ACVR1: variants seen among roughly 807,000 people sequenced by gnomAD.
ACVR1 encodes the protein activin A receptor type 1.
In ACVR1, 38 loss-of-function variants were observed where a neutral mutation model predicts 57.1. That is an observed-to-expected ratio of 0.67 (90% CI 0.51 to 0.87). The LOEUF (loss-of-function observed/expected upper bound fraction) is 0.87. ACVR1 is among the 40% of genes least tolerant of loss of function. ACVR1 has a pLI of 0.00. For synonymous variants in ACVR1, 212 were observed against 228.1 expected, an observed-to-expected ratio of 0.93 and a Z score of 0.63; for missense variants, 463 against 638.2, an observed-to-expected ratio of 0.73 and a Z score of 2.96.
intron 1 of ACVR1, among the ~76,000 whole-genome samples, chr2:157,873,292 T>C (rs1453205429): frequency 3.9e-5 from 6 of 152,202 alleles, no homozygotes; most frequent in Non-Finnish European, 5.9e-5. Context: ...CAATTTCTTA[T>C]TGTAGGACGG....
At chr2:157,866,859 G>T (rs1028343449) in intron 1 of ACVR1, among the ~76,000 whole-genome samples, 1 of 152,174 alleles carries the variant, frequency 6.6e-6, no homozygotes, top group Non-Finnish European at 1.5e-5. Context: ...GTTTGTAGCT[G>T]GTTCATTTTA....
intron 3 of ACVR1, among the ~76,000 whole-genome samples, chr2:157,787,587 G>T (rs1311015495): frequency 6.6e-6 from 1 of 152,182 alleles, no homozygotes; most frequent in Non-Finnish European, 1.5e-5. Context: ...TCCTTGTTTA[G>T]TCTTAGGAGA....
chr2:157,756,469 AC>A (rs1273506999), intron 9 of ACVR1, among the ~76,000 whole-genome samples: 3 of 152,264 alleles, frequency 2.0e-5, no homozygotes, highest in East Asian at 3.9e-4. Flanking sequence ...CAAGAAAAAA[AC>A]AACTTCATCA....
At chr2:157,793,463 G>A (rs1015833313) in intron 3 of ACVR1, among the ~76,000 whole-genome samples, 2 of 152,106 alleles carry the variant, frequency 1.3e-5, no homozygotes, top group Admixed American at 6.5e-5. Flanking sequence ...AGCTCACCTT[G>A]CATCAACTAG....
At chr2:157,773,936 A>C (rs933801119) in intron 6 of ACVR1, 152 bp downstream of exon 6, 1 of 661,292 alleles carries the variant, frequency 1.5e-6, no homozygotes, top group Non-Finnish European at 2.6e-6. Flanking sequence ...CAGGTGCTCC[A>C]ACATTAGTCA....
chr2:157,778,238 G>A lies in ACVR1; in HGVS notation c.436C>T (p.Leu146Phe). 1 of 1,614,038 alleles carries A rather than the reference G, an allele frequency of 6.2e-7. No homozygotes were observed. Among genetic ancestry groups the A allele is most frequent in the Non-Finnish European group, 8.5e-7 (1 of 1,179,996 alleles). Reference protein sequence around the residue: ...CLLACLLGVALRKFKRRNQER... With the variant: ...CLLACLLGVAFRKFKRRNQER... ...TGGTTGCGCCTTTTAAATTTTCGGA[G>A]AGCAACTCCCAGCAGGCAGGCTAAA... Residue 146 changes from leucine to phenylalanine, a missense_variant, in exon 5 of 11, where the codon CTC (leucine) becomes TTC (phenylalanine). Around this residue, in one of 3 missense-constraint regions of ACVR1, gnomAD observed 203 missense variants for 235.5 expected, o/e 0.86. Coordinates refer to ENST00000434821, the MANE Select transcript of ACVR1 (RefSeq NM_001111067.4).
At chr2:157,740,382 A>G (rs1684706642) in intron 9 of ACVR1, among the ~76,000 whole-genome samples, 1 of 152,126 alleles carries the variant, frequency 6.6e-6, no homozygotes, top group Non-Finnish European at 1.5e-5. Flanking sequence ...CCCAGGAAAC[A>G]TTCAAACAAA....
chr2:157,771,906 G>A (rs1686083042), intron 6 of ACVR1, among the ~76,000 whole-genome samples: 1 of 152,130 alleles, frequency 6.6e-6, no homozygotes, highest in Non-Finnish European at 1.5e-5. Context: ...CTCAAGATGA[G>A]GCCTAGTGCT....
intron 3 of ACVR1, among the ~76,000 whole-genome samples, chr2:157,783,389 A>G (rs891864719): frequency 2.6e-5 from 4 of 152,242 alleles, no homozygotes; most frequent in African/African-American, 7.2e-5. Flanking sequence ...GACAGCCTCA[A>G]GTAAATATCA....
At chr2:157,852,700 T>C (rs1462518507) in intron 1 of ACVR1, among the ~76,000 whole-genome samples, 1 of 152,198 alleles carries the variant, frequency 6.6e-6, no homozygotes, top group Non-Finnish European at 1.5e-5. Context: ...ACAAACATCA[T>C]CTGCCATAGT....
intron 1 of ACVR1, among the ~76,000 whole-genome samples, chr2:157,849,255 T>C (rs1389793642): frequency 1.3e-5 from 2 of 152,228 alleles, no homozygotes; most frequent in Admixed American, 1.3e-4. Context: ...TTTCTGTACC[T>C]ATCACATTAT....
At chr2:157,840,316 T>C (rs1574135722) in intron 1 of ACVR1, among the ~76,000 whole-genome samples, 1 of 152,280 alleles carries the variant, frequency 6.6e-6, no homozygotes, top group East Asian at 1.9e-4. Context: ...CTCGCCTGGG[T>C]TGGAGTTTTC....
At chr2:157,821,549 A>G (rs1426320544) in intron 1 of ACVR1, among the ~76,000 whole-genome samples, 1 of 151,708 alleles carries the variant, frequency 6.6e-6, no homozygotes, top group Non-Finnish European at 1.5e-5. Flanking sequence ...ATAAAAAAAT[A>G]AAATAAAAAA....
At chr2:157,751,156 T>C (rs1685177440) in intron 9 of ACVR1, among the ~76,000 whole-genome samples, 1 of 152,208 alleles carries the variant, frequency 6.6e-6, no homozygotes, top group African/African-American at 2.4e-5. Flanking sequence ...AAAGGAGGAC[T>C]GACTGTCCAC....
intron 1 of ACVR1, among the ~76,000 whole-genome samples, chr2:157,861,885 A>C (rs934856463): frequency 8.5e-5 from 13 of 152,220 alleles, no homozygotes; most frequent in African/African-American, 3.1e-4. Flanking sequence ...TTAAAAATGC[A>C]ACTCTTAGAT....
intron 9 of ACVR1, among the ~76,000 whole-genome samples, chr2:157,756,260 C>T (rs115283678): frequency 7.3e-4 from 111 of 152,058 alleles, no homozygotes; most frequent in African/African-American, 2.6e-3. Context: ...TAGGAAAAGA[C>T]TTCATCACCA....
chr2:157,863,870 T>C (rs1396122248), intron 1 of ACVR1, among the ~76,000 whole-genome samples: 4 of 146,796 alleles, frequency 2.7e-5, no homozygotes, highest in African/African-American at 1.0e-4. Context: ...GCAAATTCTT[T>C]TTTTTTTTTT....
In ACVR1 at chr2:157,865,623, C is replaced by T. The variant is rs1171028010; in HGVS notation, c.-183+10173G>A. On this transcript the variant is annotated intron_variant, in intron 1 of 10. Transcript: ENST00000434821. ...CCTGGCCAACATGGAGAAACCCTGT[C>T]TCTACTTAAAAATAAAAAATTAGCC... is the stretch of plus-strand genomic sequence containing the variant. 4.6e-5 allele frequency among the ~76,000 whole-genome samples: 7 copies of T among 151,772 alleles called. 1 individual carries two copies. Among genetic ancestry groups the T allele is most frequent in the Admixed American group, 4.6e-4 (7 of 15,192 alleles).
chr2:157,869,264 GA>G lies in ACVR1; in HGVS notation c.-183+6531del, dbSNP rs1165313716. 3.3e-5 allele frequency among the ~76,000 whole-genome samples: 5 copies of G among 152,246 alleles called. No homozygotes were observed. The East Asian group carries it at 7.7e-4, about 24-fold the overall frequency. ...TAATCTGATTTGGAAACAATACACA[GA>G]AAAAATAATCTGGCAAGGGAGAGGG... On this transcript the variant is annotated intron_variant, in intron 1 of 10. Transcript: ENST00000434821.
Sources: gnomAD v4.1 joint callset for allele counts (sites outside exome capture counted in the v4.1 genomes callset) on GRCh38, gnomAD v4.1.1 for gene constraint, gnomAD v4.1.1 regional missense constraint, MANE v1.5 for transcripts, NCBI Gene and HGNC (gene_info 2026-07-23, HGNC 2026-07-21) for gene names.